The following COL4A2 variants were observed in gnomAD, a reference collection of about 807,000 sequenced individuals.
The protein encoded by COL4A2 is collagen alpha-2(IV) chain.
In COL4A2, 99 loss-of-function variants were observed where a neutral mutation model predicts 200.2. The ratio of observed to expected loss-of-function variants is 0.49; its 90% CI spans 0.42 to 0.58. COL4A2 has a LOEUF of 0.58. Among genes scored for constraint, COL4A2 ranks in the 20% least tolerant of loss-of-function variants. The pLI is 0.00. For missense variants in COL4A2, 1,950 were observed against 2,314.1 expected, an observed-to-expected ratio of 0.84 and a Z score of 3.23; for synonymous variants, 897 against 900.6, an observed-to-expected ratio of 1.00 and a Z score of 0.07.
intron 4 of COL4A2, among the ~76,000 whole-genome samples, chr13:110,406,705 A>C (rs145333137): frequency 6.6e-6 from 1 of 152,262 alleles, no homozygotes; most frequent in East Asian, 1.9e-4. Context: ...GTTAACTTCT[A>C]ATAGAGTTCA....
chr13:110,367,248 A>G (rs1437374206), intron 4 of COL4A2, among the ~76,000 whole-genome samples: 1 of 152,272 alleles, frequency 6.6e-6, no homozygotes, highest in Non-Finnish European at 1.5e-5. Context: ...TGGAACCAGA[A>G]ATAAAGAAAA....
chr13:110,489,934 C>G (rs1883231282), intron 36 of COL4A2, 149 bp downstream of exon 36: 2 of 762,024 alleles, frequency 2.6e-6, no homozygotes, highest in South Asian at 3.9e-5. Context: ...GCAAGAAAGA[C>G]CGTCGTTTTT....
chr13:110,382,653 T>A (rs1878537094), intron 4 of COL4A2, among the ~76,000 whole-genome samples: 1 of 152,264 alleles, frequency 6.6e-6, no homozygotes, highest in South Asian at 2.1e-4. Flanking sequence ...AATTGTTTCC[T>A]TAAATTGATC....
intron 47 of COL4A2, among the ~76,000 whole-genome samples, chr13:110,509,226 A>T (rs1233133564): frequency 2.3e-5 from 3 of 130,508 alleles, no homozygotes; most frequent in Non-Finnish European, 4.8e-5. Flanking sequence ...GATGCCCAGC[A>T]TGTTAAATAT....
intron 16 of COL4A2, among the ~76,000 whole-genome samples, chr13:110,440,965 C>T (rs531968910): frequency 2.6e-5 from 4 of 152,332 alleles, no homozygotes; most frequent in Non-Finnish European, 4.4e-5. Context: ...ACATCTGCCT[C>T]GTTCTTTAAA....
intron 4 of COL4A2, among the ~76,000 whole-genome samples, chr13:110,398,510 G>A (rs112793587): frequency 6.6e-6 from 1 of 152,064 alleles, no homozygotes; most frequent in South Asian, 2.1e-4. Flanking sequence ...AACACAAATG[G>A]TGTTTTTAGT....
At chr13:110,430,159 A>G (rs979817090) in intron 8 of COL4A2, 6 of 675,376 alleles carry the variant, frequency 8.9e-6, no homozygotes, top group Middle Eastern at 4.1e-4. Flanking sequence ...TCTCTTTCCC[A>G]TATTCACAAT....
At chr13:110,357,429 A>G (rs752023389) in intron 3 of COL4A2, 43 bp from the exon 4 acceptor site, 5 of 1,556,074 alleles carry the variant, frequency 3.2e-6, no homozygotes, top group Middle Eastern at 1.7e-4. Context: ...GTAGTTGGCA[A>G]TGTTTAGGTA....
rs1875882664 is a variant in COL4A2 at position 110,330,946 on chromosome 13, T to C, written c.99+22823T>C. The stretch of plus-strand genomic sequence containing the variant: ...TTCCCCACCACATTCCTCTATGGTG[T>C]GTCTTCCATCTACCCGATCTCGCCG... On this transcript the variant is annotated intron_variant, in intron 3 of 47. Coordinates refer to ENST00000360467, the MANE Select transcript of COL4A2 (RefSeq NM_001846.4). 3.3e-5 allele frequency among the ~76,000 whole-genome samples: 5 copies of C among 152,288 alleles called. No individual in the cohort carries two copies. In the South Asian group the frequency reaches 1.0e-3, roughly 32 times the overall value.
At chr13:110,489,343 G>A (rs555235223) in intron 34 of COL4A2, 102 bp from the exon 35 acceptor site, 2 of 1,133,570 alleles carry the variant, frequency 1.8e-6, no homozygotes, top group East Asian at 4.7e-5. Context: ...CAAACCTTGA[G>A]TATTGTCGTT....
chr13:110,474,661 CAT>C (rs1296334899), intron 29 of COL4A2, among the ~76,000 whole-genome samples: 1 of 149,692 alleles, frequency 6.7e-6, no homozygotes, highest in Non-Finnish European at 1.5e-5. Context: ...CATGCTCACA[CAT>C]GATCACACTC....
chr13:110,465,335 G>A (rs1419715931), intron 24 of COL4A2, 70 bp from the exon 25 acceptor site: 1 of 1,508,658 alleles, frequency 6.6e-7, no homozygotes, highest in Non-Finnish European at 8.9e-7. Context: ...AATGGGAAAG[G>A]AAACAGGGAA....
intron 4 of COL4A2, among the ~76,000 whole-genome samples, chr13:110,388,310 C>G (rs527635925): frequency 6.6e-6 from 1 of 152,346 alleles, no homozygotes; most frequent in South Asian, 2.1e-4. Context: ...TGGGAGCACG[C>G]TGGTGACTTC....
intron 3 of COL4A2, among the ~76,000 whole-genome samples, chr13:110,349,925 A>G (rs1316433496): frequency 6.6e-6 from 1 of 152,116 alleles, no homozygotes; most frequent in African/African-American, 2.4e-5. Context: ...CACCATGTCC[A>G]GCTAATTTTT....
Position 110,429,960 on chromosome 13 carries a change from C to T in COL4A2, c.549+4C>T, listed in dbSNP as rs1444086450. ...AGAGGAGCGCGACAGATATCGGGTA[C>T]GTTTGCAAGAGATGGGAGGGGTAAT... On this transcript the variant is annotated splice_donor_region_variant and intron_variant, in intron 8 of 47. Transcript: ENST00000360467. 11 of 1,591,092 alleles carry T rather than the reference C, an allele frequency of 6.9e-6. No individual in the cohort carries two copies. The highest frequency in any genetic ancestry group is 2.3e-5 in the South Asian group (2 of 87,630).
intron 11 of COL4A2, among the ~76,000 whole-genome samples, chr13:110,433,892 T>G (rs1880775894): frequency 6.6e-6 from 1 of 152,222 alleles, no homozygotes; most frequent in Non-Finnish European, 1.5e-5. Context: ...ACAAAAAGTT[T>G]GGATAAAGCC....
At chr13:110,389,286 G>A (rs1038095251) in intron 4 of COL4A2, among the ~76,000 whole-genome samples, 3 of 152,158 alleles carry the variant, frequency 2.0e-5, no homozygotes, top group Non-Finnish European at 1.5e-5. Context: ...AGGACATTTC[G>A]TGTCTGTAAA....
intron 29 of COL4A2, among the ~76,000 whole-genome samples, chr13:110,474,869 T>TGTTC (rs1882638465): frequency 2.4e-5 from 2 of 82,536 alleles, no homozygotes; most frequent in Non-Finnish European, 4.7e-5. Context: ...ACACACTCCA[T>TGTTC]ACACACACGT....
chr13:110,483,117 G>A (rs1039737439), intron 32 of COL4A2, among the ~76,000 whole-genome samples: 2 of 152,234 alleles, frequency 1.3e-5, no homozygotes, highest in African/African-American at 4.8e-5. Flanking sequence ...AAACCCTCAC[G>A]CGGACAGGCA....
Sources: gnomAD v4.1 joint callset for allele counts (sites outside exome capture counted in the v4.1 genomes callset) on GRCh38, gnomAD v4.1.1 for gene constraint, MANE v1.5 for transcripts, NCBI Gene and HGNC (gene_info 2026-07-23, HGNC 2026-07-21) for gene names.